Variants in RNF126 observed in about 807,000 individuals in gnomAD.
The protein encoded by RNF126 is ring finger protein 126.
Under a neutral mutation model 41.9 loss-of-function variants are expected in RNF126, and 20 were observed. That is an observed-to-expected ratio of 0.48 (90% CI 0.34 to 0.69). The LOEUF is 0.69. Ranked by LOEUF, RNF126 falls within the 30% of genes least tolerant of loss-of-function variation. RNF126 has a pLI of 0.01. For synonymous variants in RNF126, 239 were observed against 202.9 expected (o/e 1.18, Z -1.51); for missense variants, 433 against 460.6 (o/e 0.94, Z 0.55).
intron 6 of RNF126, 72 bp from the exon 7 acceptor site, chr19:649,047 C>A (rs923251509): frequency 8.3e-6 from 6 of 721,688 alleles, no homozygotes; most frequent in African/African-American, 1.8e-5. Flanking sequence ...CGCGAGGCTG[C>A]AGGACCTGCA....
chr19:651,198 C>T (rs1302286982), intron 4 of RNF126, among the ~76,000 whole-genome samples: 10 of 149,322 alleles, frequency 6.7e-5, no homozygotes, highest in Admixed American at 2.0e-4. Flanking sequence ...TGGGGCCCTG[C>T]GACGGCTCCC....
Position 649,827 on chromosome 19 carries a change from C to T in RNF126, c.507-79G>A, listed in dbSNP as rs1469235601. ...TCTATCCACCCCACTCACCAGGGGC[C>T]CAGGCTGGGGATGGGGACAGGCACC... On this transcript the variant is annotated intron_variant, in intron 5 of 8. Transcript: ENST00000292363. 4.2e-6 allele frequency: 5 copies of T among 1,201,518 alleles called. No homozygotes were observed. The African/African-American group carries it at 7.5e-5, about 18-fold the overall frequency. 74.4% of individuals were successfully genotyped at this position (1,201,518 alleles called of 1,614,324 possible).
rs547535358 is a variant in RNF126, at chr19:650,305, G to A, written c.444-9C>T. 7 of 1,574,276 alleles carry A rather than the reference G, an allele frequency of 4.4e-6. No homozygotes were observed. Among genetic ancestry groups the A allele is most frequent in the East Asian group, 2.3e-5 (1 of 43,810 alleles). On this transcript the variant is annotated splice_polypyrimidine_tract_variant and intron_variant, in intron 4 of 8. Transcript: ENST00000292363. The stretch of plus-strand genomic sequence containing the variant: ...CGAGCTGCTGGATGATCCTGGAAAA[G>A]AGAGCGCCAGTCACGGGGTGAGGCC...
chr19:654,947 G>A (rs964972882), intron 1 of RNF126, among the ~76,000 whole-genome samples: 2 of 151,548 alleles, frequency 1.3e-5, no homozygotes, highest in African/African-American at 2.4e-5. Flanking sequence ...CAGCCTGGGC[G>A]ACAGAGTGAG....
intron 1 of RNF126, among the ~76,000 whole-genome samples, chr19:655,349 C>T (rs1404937753): frequency 6.6e-6 from 1 of 151,560 alleles, no homozygotes; most frequent in African/African-American, 2.4e-5. Context: ...AAAAGAGAAA[C>T]AGACAACGCA....
Position 653,314 on chromosome 19 carries a change from G to A in RNF126, c.76-430C>T, listed in dbSNP as rs187867666. On this transcript the variant is annotated intron_variant, in intron 1 of 8. Coordinates refer to ENST00000292363, the MANE Select transcript of RNF126 (RefSeq NM_194460.3). The stretch of plus-strand genomic sequence containing the variant: ...CGCACACAGCCCGTTCCCCTGGCTC[G>A]GGGGAGGCCACGTCCACGCTGGCCA... 4.9e-3 allele frequency among the ~76,000 whole-genome samples: 752 copies of A among 152,302 alleles called. 8 individuals are homozygous for A. The highest frequency in any genetic ancestry group is 0.016 in the African/African-American group (666 of 41,556).
At position 647,888 on chromosome 19, in the gene RNF126, G is replaced by A. The variant is rs949938102; in HGVS notation, c.*240C>T. 8 of 656,264 alleles carry A rather than the reference G, an allele frequency of 1.2e-5. No homozygotes were observed. The highest frequency in any genetic ancestry group is 1.1e-4 in the East Asian group (4 of 35,722). The allele number at this position is 656,264 out of a possible 1,614,324, so 40.7% of individuals were successfully genotyped here. A position where few individuals can be genotyped will look rare whatever the true frequency, so the allele number is the denominator to read the frequency against. ...TCTTTCCACCGCTGAACGTTTAGAG[G>A]GTGAGGTTAGACAGAGGACGGGGAG... On this transcript the variant is annotated 3_prime_UTR_variant, in exon 9 of 9. Coordinates refer to ENST00000292363, the MANE Select transcript of RNF126 (RefSeq NM_194460.3).
At chr19:649,851 C>G (rs2030186237) in intron 5 of RNF126, 103 bp from the exon 6 acceptor site, 3 of 791,638 alleles carry the variant, frequency 3.8e-6, no homozygotes, top group Non-Finnish European at 4.2e-6. Context: ...GGGACAGGCA[C>G]CCCCTCCTAC....
At chr19:660,995 C>A (rs990356543) in intron 1 of RNF126, among the ~76,000 whole-genome samples, 3 of 152,254 alleles carry the variant, frequency 2.0e-5, no homozygotes. Flanking sequence ...AATCTACCAA[C>A]GTCCATGATT....
intron 4 of RNF126, among the ~76,000 whole-genome samples, chr19:651,220 T>C (rs2030263281): frequency 6.8e-6 from 1 of 146,364 alleles, no homozygotes; most frequent in African/African-American, 2.6e-5. Context: ...CAGGCTCCGT[T>C]CCACCAGGAG....
At chr19:657,853 G>A (rs1176884075) in intron 1 of RNF126, among the ~76,000 whole-genome samples, 1 of 152,132 alleles carries the variant, frequency 6.6e-6, no homozygotes, top group East Asian at 1.9e-4. Context: ...TCTGCTGGCC[G>A]ACGGTGGGAG....
chr19:660,403 A>G (rs760003436), intron 1 of RNF126, among the ~76,000 whole-genome samples: 2 of 152,204 alleles, frequency 1.3e-5, no homozygotes, highest in African/African-American at 2.4e-5. Flanking sequence ...CACACAGCCC[A>G]TGGCAGCCAG....
At chr19:650,963 A>G (rs1439477337) in intron 4 of RNF126, among the ~76,000 whole-genome samples, 1 of 152,172 alleles carries the variant, frequency 6.6e-6, no homozygotes, top group Non-Finnish European at 1.5e-5. Flanking sequence ...TCCTGTCCTC[A>G]AGAGATCCTC....
intron 1 of RNF126, among the ~76,000 whole-genome samples, chr19:654,679 A>T (rs1346688051): frequency 3.1e-5 from 3 of 96,680 alleles, no homozygotes; most frequent in African/African-American, 8.2e-5. Context: ...AAAAAAAAAA[A>T]GTGCTGGCCG....
intron 1 of RNF126, among the ~76,000 whole-genome samples, chr19:654,096 A>G (rs1377301436): frequency 6.6e-6 from 1 of 152,182 alleles, no homozygotes. Context: ...GCAGTGCCCA[A>G]GGGGAGGGCC....
chr19:656,281 T>C (rs1243461068), intron 1 of RNF126, among the ~76,000 whole-genome samples: 1 of 151,164 alleles, frequency 6.6e-6, no homozygotes, highest in Admixed American at 6.6e-5. Context: ...ACCTGGGAGG[T>C]GGAGGCTGCA....
At position 647,543 on chromosome 19, in the gene RNF126, G is replaced by A. The variant is rs2030002802; in HGVS notation, c.*585C>T. On this transcript the variant is annotated 3_prime_UTR_variant, in exon 9 of 9. Coordinates refer to ENST00000292363, the MANE Select transcript of RNF126 (RefSeq NM_194460.3). ...GCACCGGCTTCTCTTTGTAAGTAGTGTATTTTAAATAGCTTTCAAGATACA... is the reference window on the plus strand; with the variant it reads ...GCACCGGCTTCTCTTTGTAAGTAGTATATTTTAAATAGCTTTCAAGATACA... 1 of 163,094 alleles carries A rather than the reference G, an allele frequency of 6.1e-6. No individual in the cohort carries two copies. 10.1% of individuals were successfully genotyped at this position (163,094 alleles called of 1,614,324 possible). A position where few individuals can be genotyped will look rare whatever the true frequency, so the allele number is the denominator to read the frequency against.
At chr19:654,338 A>G (rs1372232208) in intron 1 of RNF126, among the ~76,000 whole-genome samples, 3 of 152,198 alleles carry the variant, frequency 2.0e-5, no homozygotes, top group South Asian at 2.1e-4. Context: ...CGCCCCACGA[A>G]TTCTCGGCAC....
intron 1 of RNF126, among the ~76,000 whole-genome samples, chr19:660,342 A>C (rs759337261): frequency 6.6e-6 from 1 of 152,236 alleles, no homozygotes; most frequent in Non-Finnish European, 1.5e-5. Context: ...CCAGGACAGC[A>C]AAGGAGGCCC....
Sources: gnomAD v4.1 joint callset for allele counts (sites outside exome capture counted in the v4.1 genomes callset) on GRCh38, gnomAD v4.1.1 for gene constraint, MANE v1.5 for transcripts, NCBI Gene and HGNC (gene_info 2026-07-23, HGNC 2026-07-21) for gene names.